The following NUDT18 variants were observed in gnomAD, a reference collection of about 807,000 sequenced individuals.
NUDT18 encodes 8-oxo-dGDP phosphatase NUDT18.
In NUDT18, 26 loss-of-function variants were observed where a neutral mutation model predicts 27.6. That is an observed-to-expected ratio of 0.94 (90% CI 0.69 to 1.31). NUDT18 has a LOEUF of 1.31. Ranked by LOEUF, NUDT18 falls within the 50% of genes most tolerant of loss-of-function variation. The pLI, the probability that NUDT18 is intolerant of heterozygous loss-of-function variation, is 0.00. For missense variants in NUDT18, 450 were observed against 433.4 expected (o/e 1.04, Z -0.34); for synonymous variants, 220 against 196.9 (o/e 1.12, Z -0.98).
Position 22,107,089 on chromosome 8 carries a change from G to C in NUDT18, c.*211C>G. ...TGCCCTCAGGGTAGTCAGGTCCTGA[G>C]CTTTGGACTCCTCGCTTGGTTAAAG... On this transcript the variant is annotated 3_prime_UTR_variant, in exon 3 of 3. Transcript: ENST00000611621. 1 of 561,638 alleles carries C rather than the reference G, an allele frequency of 1.8e-6. No individual in the cohort carries two copies. Among genetic ancestry groups the C allele is most frequent in the Non-Finnish European group, 3.2e-6 (1 of 316,444 alleles). 34.8% of individuals were successfully genotyped at this position (561,638 alleles called of 1,614,324 possible). A position where few individuals can be genotyped will look rare whatever the true frequency, so the allele number is the denominator to read the frequency against.
chr8:22,109,393 T>TGCGGAGACCGCTCCCAGTCCCA lies in NUDT18; in HGVS notation c.-94_-93insTGGGACTGGGAGCGGTCTCCGC. ...CGCTGCGGAGCCCGCTCCCAGTCCC[T>TGCGGAGACCGCTCCCAGTCCCA]GCGGCAGCGGGCCGGGAGCTCACGA... is the stretch of plus-strand genomic sequence containing the variant. On this transcript the variant is annotated 5_prime_UTR_variant, in exon 1 of 3. Coordinates refer to ENST00000611621, the MANE Select transcript of NUDT18 (RefSeq NM_024815.4). 8 of 1,221,960 alleles carry TGCGGAGACCGCTCCCAGTCCCA rather than the reference T, an allele frequency of 6.5e-6. No homozygotes were observed. The highest frequency in any genetic ancestry group is 7.4e-6 in the Non-Finnish European group (7 of 949,098). The allele number at this position is 1,221,960 out of a possible 1,614,324, so 75.7% of individuals were successfully genotyped here. A position where few individuals can be genotyped will look rare whatever the true frequency, so the allele number is the denominator to read the frequency against.
upstream of NUDT18, chr8:22,109,447 G>A (rs1422095641): frequency 1.2e-5 from 8 of 656,742 alleles, no homozygotes; most frequent in Non-Finnish European, 1.8e-5. Flanking sequence ...GAACGCGGAA[G>A]CGCACGCGAG....
Position 22,107,357 on chromosome 8 carries a change from C to G in NUDT18, c.915G>C (p.Leu305=), listed in dbSNP as rs771051370. 6.2e-7 allele frequency: 1 copy of G among 1,613,394 alleles called. No individual in the cohort carries two copies. Among genetic ancestry groups the G allele is most frequent in the Non-Finnish European group, 8.5e-7 (1 of 1,179,726 alleles). ...GAAGCCGCTGGAGGAGCTGGCTTTG[C>G]AGGTCTTCCTCCATCACCTTCCACC... The part of the protein sequence containing the change: ...FSWWKVMEED[L]QSQLLQRLQG... Residue 305 remains leucine (L), a synonymous_variant, in exon 3 of 3, where the codon CTG becomes CTC. Transcript: ENST00000611621.
chr8:22,107,403 A>C lies in NUDT18; in HGVS notation c.869T>G (p.Val290Gly). The part of the protein sequence containing the change: ...SPGIQDEPPK[V>G]RGENFSWWKV... ...CCACCAAGAGAAGTTCTCACCCCGA[A>C]CTTTTGGGGGTTCATCCTGGATCCC... The change falls in exon 3 of 3, where the codon GTT (valine) becomes GGT (glycine). Residue 290 changes from valine to glycine, a missense_variant. Physicochemically the swap from Val to Gly is moderately radical, Grantham distance 109 (BLOSUM62 -3). Transcript: ENST00000611621. 3 of 1,613,378 alleles carry C rather than the reference A, an allele frequency of 1.9e-6. No individual in the cohort carries two copies. The highest frequency in any genetic ancestry group is 2.5e-6 in the Non-Finnish European group (3 of 1,179,830).
In NUDT18 at chr8:22,109,318, G is replaced by T. The variant is rs1480639608; in HGVS notation, c.-18C>A. ...GAGGCCATCGGGTCCCCCGGGGGGC[G>T]GCGGGCCGGATCCTCGCAGACCGAC... On this transcript the variant is annotated 5_prime_UTR_variant, in exon 1 of 3. Coordinates refer to ENST00000611621, the MANE Select transcript of NUDT18 (RefSeq NM_024815.4). 4 of 1,334,274 alleles carry T rather than the reference G, an allele frequency of 3.0e-6. No individual in the cohort carries two copies. Among genetic ancestry groups the T allele is most frequent in the Non-Finnish European group, 3.8e-6 (4 of 1,052,676 alleles). 82.7% of individuals were successfully genotyped at this position (1,334,274 alleles called of 1,614,324 possible).
rs988591174 is a variant in NUDT18 at position 22,107,637 on chromosome 8, G to A, written c.635C>T (p.Pro212Leu). ...VWVLVGTVGM[P>L]HLPVTACGLD... The stretch of plus-strand genomic sequence containing the variant: ...GCCACAGGCAGTGACAGGCAAGTGA[G>A]GCATCCCCACTGTGCCCACTAACAC... The change falls in exon 3 of 3, where the codon CCT becomes CTT. Residue 212 changes from proline (P) to leucine (L), a missense_variant. Pro to Leu is a moderately conservative substitution (Grantham distance 98, BLOSUM62 -3). Transcript: ENST00000611621. 1.9e-6 allele frequency: 3 copies of A among 1,613,094 alleles called. No individual in the cohort carries two copies. The highest frequency in any genetic ancestry group is 1.7e-5 in the Admixed American group (1 of 59,986).
At position 22,107,720 on chromosome 8, in the gene NUDT18, G is replaced by T. The variant is rs1231455598; in HGVS notation, c.552C>A (p.Pro184=). Residue 184 remains proline (P), a synonymous_variant, in exon 3 of 3, where the codon CCC becomes CCA. Transcript: ENST00000611621. The part of the protein sequence containing the change: ...RHPLILPQEL[P]CDLVCQRLVA... ...CGAGCCGCTGGCAGACCAGATCACA[G>T]GGTAGCTCTTGGGGCAGAATGAGAG... 2 of 1,613,496 alleles carry T rather than the reference G, an allele frequency of 1.2e-6. No homozygotes were observed. The highest frequency in any genetic ancestry group is 2.7e-5 in the African/African-American group (2 of 74,934).
At position 22,109,217 on chromosome 8, in the gene NUDT18, C is replaced by A; in HGVS notation, c.84G>T (p.Pro28=). ...GSSVHSCDSA[P]AGEPPAPVRL... ...GCACGGGCGCCGGCGGCTCCCCGGC[C>A]GGCGCCGAGTCGCAGCTGTGCACGC... is the stretch of plus-strand genomic sequence containing the variant. The change falls in exon 1 of 3, where the codon CCG becomes CCT. Residue 28 remains proline, a synonymous_variant. Transcript: ENST00000611621. The A allele has an allele frequency of 6.9e-7, 1 of 1,440,510 alleles. No homozygotes were observed. Among genetic ancestry groups the A allele is most frequent in the South Asian group, 1.4e-5 (1 of 72,860 alleles). 89.2% of individuals were successfully genotyped at this position (1,440,510 alleles called of 1,614,324 possible).
rs1826427051 is a variant in NUDT18 at position 22,109,369 on chromosome 8, G to GCTGTGGAGCCCGCTCCCAGTCC, written c.-70_-69insGGACTGGGAGCGGGCTCCACAG. ...TGAGCCGAGCCGCGGGCTAGAGTGC[G>GCTGTGGAGCCCGCTCCCAGTCC]CTGCGGAGCCCGCTCCCAGTCCCTG... On this transcript the variant is annotated 5_prime_UTR_variant, in exon 1 of 3. Coordinates refer to ENST00000611621, the MANE Select transcript of NUDT18 (RefSeq NM_024815.4). The GCTGTGGAGCCCGCTCCCAGTCC allele has an allele frequency of 8.4e-6, 6 of 712,814 alleles. No homozygotes were observed. Among genetic ancestry groups the GCTGTGGAGCCCGCTCCCAGTCC allele is most frequent in the African/African-American group, 5.5e-5 (2 of 36,350 alleles). 44.2% of individuals were successfully genotyped at this position (712,814 alleles called of 1,614,324 possible). A position where few individuals can be genotyped will look rare whatever the true frequency, so the allele number is the denominator to read the frequency against.
rs1188188919 is a variant in NUDT18 at position 22,109,184 on chromosome 8, C to T, written c.117G>A (p.Arg39=). 6.9e-6 allele frequency: 10 copies of T among 1,453,504 alleles called. No individual in the cohort carries two copies. The highest frequency in any genetic ancestry group is 8.1e-6 in the Non-Finnish European group (9 of 1,112,620). 90.0% of individuals were successfully genotyped at this position (1,453,504 alleles called of 1,614,324 possible). ...CCAGCACCACGTAGCACACGTTCTTCCGCAGCCGCACGGGCGCCGGCGGCT... is the reference window on the plus strand; with the variant it reads ...CCAGCACCACGTAGCACACGTTCTTTCGCAGCCGCACGGGCGCCGGCGGCT... ...AGEPPAPVRL[R]KNVCYVVLAV... is the part of the protein sequence containing the mutation. The change falls in exon 1 of 3, where the codon CGG becomes CGA. Residue 39 remains arginine, a synonymous_variant. Transcript: ENST00000611621.
chr8:22,108,137 G>T lies in NUDT18; in HGVS notation c.372C>A (p.Pro124=). The change falls in exon 2 of 3, where the codon CCC becomes CCA. Residue 124 remains proline, a synonymous_variant. Coordinates refer to ENST00000611621, the MANE Select transcript of NUDT18 (RefSeq NM_024815.4). ...CTGCCTCCAGGTGGGCCATACCTGT[G>T]GGGCGAGCGAGGAACACGAAGCGGA... The part of the protein sequence containing the change: ...SWVRFVFLAR[P]TGGILKTSKE... 1.3e-6 allele frequency: 2 copies of T among 1,520,168 alleles called. No homozygotes were observed. The highest frequency in any genetic ancestry group is 1.8e-6 in the Non-Finnish European group (2 of 1,134,288). The allele number at this position is 1,520,168 out of a possible 1,614,324, so 94.2% of individuals were successfully genotyped here.
Position 22,109,320 on chromosome 8 carries a change from C to G in NUDT18, c.-20G>C. On this transcript the variant is annotated 5_prime_UTR_variant, in exon 1 of 3. Coordinates refer to ENST00000611621, the MANE Select transcript of NUDT18 (RefSeq NM_024815.4). ...GGCCATCGGGTCCCCCGGGGGGCGG[C>G]GGGCCGGATCCTCGCAGACCGACTG... The G allele has an allele frequency of 7.5e-7, 1 of 1,332,644 alleles. No homozygotes were observed. Among genetic ancestry groups the G allele is most frequent in the Non-Finnish European group, 9.5e-7 (1 of 1,051,508 alleles). The allele number at this position is 1,332,644 out of a possible 1,614,324, so 82.6% of individuals were successfully genotyped here.
At position 22,109,226 on chromosome 8, in the gene NUDT18, G is replaced by C; in HGVS notation, c.75C>G (p.Asp25Glu). ...CCGGCGGCTCCCCGGCCGGCGCCGAGTCGCAGCTGTGCACGCTGGACCCCT... is the reference window on the plus strand; with the variant it reads ...CCGGCGGCTCCCCGGCCGGCGCCGACTCGCAGCTGTGCACGCTGGACCCCT... ...AGQGSSVHSC[D>E]SAPAGEPPAP... is the part of the protein sequence containing the mutation. The change falls in exon 1 of 3, where the codon GAC (aspartate) becomes GAG (glutamate). Residue 25 changes from aspartate to glutamate, a missense_variant. Physicochemically the swap from Asp to Glu is conservative, Grantham distance 45 (BLOSUM62 2). Transcript: ENST00000611621. 2 of 1,441,464 alleles carry C rather than the reference G, an allele frequency of 1.4e-6. No homozygotes were observed. The highest frequency in any genetic ancestry group is 1.8e-6 in the Non-Finnish European group (2 of 1,107,302). 89.3% of individuals were successfully genotyped at this position (1,441,464 alleles called of 1,614,324 possible).
Position 22,109,406 on chromosome 8 carries a change from C to G in NUDT18, c.-106G>C, listed in dbSNP as rs1035460106. ...GCTCCCAGTCCCTGCGGCAGCGGGCCGGGAGCTCACGAGAACGCGGAAGCG... is the reference window on the plus strand; with the variant it reads ...GCTCCCAGTCCCTGCGGCAGCGGGCGGGGAGCTCACGAGAACGCGGAAGCG... On this transcript the variant is annotated 5_prime_UTR_variant, in exon 1 of 3. Transcript: ENST00000611621. The G allele has an allele frequency of 1.2e-5, 13 of 1,081,258 alleles. No homozygotes were observed. In the Admixed American group the frequency reaches 2.8e-4, roughly 23 times the overall value. The allele number at this position is 1,081,258 out of a possible 1,614,324, so 67.0% of individuals were successfully genotyped here. A position where few individuals can be genotyped will look rare whatever the true frequency, so the allele number is the denominator to read the frequency against.
At position 22,109,198 on chromosome 8, in the gene NUDT18, G is replaced by C. The variant is rs200040808; in HGVS notation, c.103C>G (p.Pro35Ala). The change falls in exon 1 of 3, where the codon CCC (proline) becomes GCC (alanine). Residue 35 changes from proline to alanine, a missense_variant. Pro to Ala is a conservative substitution (Grantham distance 27). Coordinates refer to ENST00000611621, the MANE Select transcript of NUDT18 (RefSeq NM_024815.4). The part of the protein sequence containing the change: ...DSAPAGEPPA[P>A]VRLRKNVCYV... ...CACACGTTCTTCCGCAGCCGCACGG[G>C]CGCCGGCGGCTCCCCGGCCGGCGCC... 1.4e-6 allele frequency: 2 copies of C among 1,448,184 alleles called. No homozygotes were observed. Among genetic ancestry groups the C allele is most frequent in the Non-Finnish European group, 1.8e-6 (2 of 1,110,172 alleles). The allele number at this position is 1,448,184 out of a possible 1,614,324, so 89.7% of individuals were successfully genotyped here. A position where few individuals can be genotyped will look rare whatever the true frequency, so the allele number is the denominator to read the frequency against.
At chr8:22,110,360 G>A (rs938952327), upstream of NUDT18, among the ~76,000 whole-genome samples, 1 of 152,266 alleles carries the variant, frequency 6.6e-6, no homozygotes, top group African/African-American at 2.4e-5. Flanking sequence ...AGCACTGGAA[G>A]GCAAAGCCAG....
rs1305332683 is a variant in NUDT18 at position 22,107,914 on chromosome 8, A to T, written c.377-19T>A. ...ATTCCACCTGGGGGAGATGTGGGGG[A>T]TGGGGCAGGGAGGGTCTGTGTGGAG... On this transcript the variant is annotated intron_variant, in intron 2 of 2. Transcript: ENST00000611621. 6.5e-7 allele frequency: 1 copy of T among 1,546,514 alleles called. No homozygotes were observed. Among genetic ancestry groups the T allele is most frequent in the African/African-American group, 1.4e-5 (1 of 73,816 alleles).
chr8:22,107,296 C>G lies in NUDT18; in HGVS notation c.*4G>C. The G allele has an allele frequency of 6.3e-7, 1 of 1,583,868 alleles. No individual in the cohort carries two copies. Among genetic ancestry groups the G allele is most frequent in the Non-Finnish European group, 8.6e-7 (1 of 1,163,678 alleles). ...CCTAGCTCCCTGTCACCTCCCCCAC[C>G]TCTCTATCTGTTCACTGGGACAACA... On this transcript the variant is annotated 3_prime_UTR_variant, in exon 3 of 3. Coordinates refer to ENST00000611621, the MANE Select transcript of NUDT18 (RefSeq NM_024815.4).
intron 1 of NUDT18, 139 bp downstream of exon 1, chr8:22,109,000 G>T: frequency 1.9e-6 from 1 of 539,972 alleles, no homozygotes. Context: ...ACACAGATGC[G>T]AGTGGGAGTG....
Sources: gnomAD v4.1 joint callset for allele counts (sites outside exome capture counted in the v4.1 genomes callset) on GRCh38, gnomAD v4.1.1 for gene constraint, MANE v1.5 for transcripts, NCBI Gene and HGNC (gene_info 2026-07-23, HGNC 2026-07-21) for gene names.